COL24A1: variants seen among roughly 807,000 people sequenced by gnomAD.
COL24A1 encodes the protein collagen alpha-1(XXIV) chain.
Under a neutral mutation model 253.9 loss-of-function variants are expected in COL24A1, and 224 were observed. That is an observed-to-expected ratio of 0.88 (90% confidence interval 0.79 to 0.99). The LOEUF is 0.99. Among genes scored for constraint, COL24A1 ranks in the 50% least tolerant of loss-of-function variants. The pLI is 0.00. For missense variants in COL24A1, 2,131 were observed against 2,068.5 expected (o/e 1.03, Z -0.59); for synonymous variants, 685 against 673.7 (o/e 1.02, Z -0.26).
At chr1:86,120,375 TTTTTG>T (rs1706622119) in intron 3 of COL24A1, among the ~76,000 whole-genome samples, 1 of 151,964 alleles carries the variant, frequency 6.6e-6, no homozygotes, top group South Asian at 2.1e-4. Flanking sequence ...TGGGGGAAAA[TTTTTG>T]CAATCTACTC....
chr1:85,783,232 C>T (rs1418559043), intron 51 of COL24A1, among the ~76,000 whole-genome samples: 5 of 151,212 alleles, frequency 3.3e-5, no homozygotes, highest in Non-Finnish European at 7.4e-5. Context: ...TGAGTTAATA[C>T]ATTATCCAGT....
At chr1:86,022,064 G>T (rs1210762407) in intron 18 of COL24A1, among the ~76,000 whole-genome samples, 176 bp downstream of exon 18, 1 of 152,142 alleles carries the variant, frequency 6.6e-6, no homozygotes, top group Non-Finnish European at 1.5e-5. Context: ...GGGAGTAGAG[G>T]GAAGTCCAAA....
In COL24A1 at chr1:85,887,672, C is replaced by G. The variant is rs117369425; in HGVS notation, c.2976+1888G>C. Among the ~76,000 whole-genome samples the G allele has an allele frequency of 7.4e-4, 112 of 152,224 alleles. 2 individuals carry two copies. The East Asian group carries it at 0.02, about 28-fold the overall frequency. ...TGAGGGCTGTAGTTTACCTATCCTA[C>G]TTTATGCCTACGTACTTCTAAGGGG... On this transcript the variant is annotated intron_variant, in intron 32 of 59. Transcript: ENST00000370571.
intron 2 of COL24A1, among the ~76,000 whole-genome samples, chr1:86,134,945 G>A (rs1342013866): frequency 5.3e-5 from 8 of 151,412 alleles, no homozygotes; most frequent in Admixed American, 5.3e-4. Flanking sequence ...TGCTGACATT[G>A]GGGTGTTAAA....
At chr1:85,783,460 C>G in intron 51 of COL24A1, 36 bp downstream of exon 51, 1 of 1,594,458 alleles carries the variant, frequency 6.3e-7, no homozygotes, top group Non-Finnish European at 8.6e-7. Flanking sequence ...AGCAAAGAAC[C>G]ACAATTTCTG....
intron 5 of COL24A1, 146 bp downstream of exon 5, chr1:86,112,421 C>T: frequency 1.6e-6 from 1 of 626,470 alleles, no homozygotes; most frequent in Non-Finnish European, 2.7e-6. Flanking sequence ...CAGGCTAAGA[C>T]AATCATGTTG....
chr1:85,872,614 T>C (rs1468034993), intron 35 of COL24A1, among the ~76,000 whole-genome samples: 6 of 152,164 alleles, frequency 3.9e-5, no homozygotes, highest in Admixed American at 3.3e-4. Context: ...GTAAATGGTG[T>C]TAAGAAAACT....
At chr1:85,980,683 C>T (rs145567117) in intron 20 of COL24A1, among the ~76,000 whole-genome samples, 1,764 of 152,170 alleles carry the variant, frequency 0.012, 30 homozygotes, top group African/African-American at 0.039. Context: ...CCAAGGCAGG[C>T]GGATCACAAG....
intron 7 of COL24A1, among the ~76,000 whole-genome samples, chr1:86,067,371 A>T (rs1039138425): frequency 1.3e-5 from 2 of 152,264 alleles, no homozygotes; most frequent in Non-Finnish European, 2.9e-5. Context: ...TAGAGTAAAA[A>T]TGATACCTAA....
At chr1:85,831,906 G>A (rs1384670529) in intron 43 of COL24A1, among the ~76,000 whole-genome samples, 2 of 152,028 alleles carry the variant, frequency 1.3e-5, no homozygotes, top group African/African-American at 4.8e-5. Context: ...AGTTTCTTTT[G>A]CTGTGCAGAA....
chr1:85,980,973 A>G (rs1175506119), intron 20 of COL24A1, among the ~76,000 whole-genome samples: 1 of 152,184 alleles, frequency 6.6e-6, no homozygotes, highest in African/African-American at 2.4e-5. Flanking sequence ...AAGAAAAACT[A>G]CAAAACACTG....
intron 28 of COL24A1, among the ~76,000 whole-genome samples, chr1:85,905,520 GCT>G (rs149844970): frequency 2.7e-5 from 4 of 150,106 alleles, no homozygotes; most frequent in African/African-American, 7.3e-5. Flanking sequence ...AGTAAAGAAG[GCT>G]CTCTCTCTCT....
chr1:86,024,697 T>C (rs1393171506), intron 14 of COL24A1, among the ~76,000 whole-genome samples: 1 of 152,212 alleles, frequency 6.6e-6, no homozygotes, highest in African/African-American at 2.4e-5. Flanking sequence ...CTTGTGCTTA[T>C]GATTACAGTG....
intron 24 of COL24A1, among the ~76,000 whole-genome samples, chr1:85,958,435 C>T (rs760668183): frequency 2.0e-5 from 3 of 151,984 alleles, no homozygotes; most frequent in Non-Finnish European, 4.4e-5. Context: ...TCTGTCAAAC[C>T]TCCAATAGAC....
Position 85,730,564 on chromosome 1 carries a change from A to G in COL24A1, c.5127T>C (p.Ser1709=). 6.2e-7 allele frequency: 1 copy of G among 1,613,940 alleles called. No individual in the cohort carries two copies. The highest frequency in any genetic ancestry group is 8.5e-7 in the Non-Finnish European group (1 of 1,179,842). Reference sequence around the variant, plus strand: ...AGAGACTTTACAGAAAGCATACAGAACTGCTGTCAATGTAATACTTTCGTT... The same window carrying G: ...AGAGACTTTACAGAAAGCATACAGAGCTGCTGTCAATGTAATACTTTCGTT... ...KTERKYYIDS[S]SVCFL Residue 1709 remains serine, a synonymous_variant, in exon 60 of 60, where the codon AGT becomes AGC. Coordinates refer to ENST00000370571, the MANE Select transcript of COL24A1 (RefSeq NM_152890.7).
intron 7 of COL24A1, among the ~76,000 whole-genome samples, chr1:86,076,968 C>A (rs906450860): frequency 1.3e-5 from 2 of 151,958 alleles, no homozygotes; most frequent in East Asian, 3.9e-4. Flanking sequence ...AAAAGCAATG[C>A]CAACAAAAGC....
At chr1:85,948,956 A>C (rs1457580734) in intron 24 of COL24A1, among the ~76,000 whole-genome samples, 1 of 152,158 alleles carries the variant, frequency 6.6e-6, no homozygotes, top group Non-Finnish European at 1.5e-5. Context: ...CCAATTACTT[A>C]ATCTTTTTGA....
intron 55 of COL24A1, 33 bp downstream of exon 55, chr1:85,761,363 A>G (rs373283422): frequency 4.6e-5 from 74 of 1,612,222 alleles, no homozygotes; most frequent in Non-Finnish European, 5.8e-5. Flanking sequence ...ATACTAAGAT[A>G]AAACAAAACA....
intron 33 of COL24A1, 104 bp downstream of exon 33, chr1:85,877,018 C>A: frequency 1.3e-6 from 1 of 762,726 alleles, no homozygotes. Flanking sequence ...TGAAACAATA[C>A]TATAGAATTA....
Sources: gnomAD v4.1 joint callset for allele counts (sites outside exome capture counted in the v4.1 genomes callset) on GRCh38, gnomAD v4.1.1 for gene constraint, MANE v1.5 for transcripts, NCBI Gene and HGNC (gene_info 2026-07-23, HGNC 2026-07-21) for gene names.